Variants in NRXN1 observed in about 807,000 individuals in gnomAD.
The protein encoded by NRXN1 is neurexin 1, also known as neurexin-1.
In NRXN1, 39 loss-of-function variants were observed where a neutral mutation model predicts 150.9. That is an observed-to-expected ratio of 0.26 (90% CI 0.20 to 0.34). The LOEUF is 0.34. NRXN1 is among the 10% of genes least tolerant of loss of function. The pLI is 1.00. For synonymous variants in NRXN1, 924 were observed against 757.0 expected, an observed-to-expected ratio of 1.22 and a Z score of -3.62; for missense variants, 1,815 against 1,949.9, an observed-to-expected ratio of 0.93 and a Z score of 1.30.
chr2:50,925,448 T>G (rs1392272420), intron 3 of NRXN1, among the ~76,000 whole-genome samples: 1 of 151,862 alleles, frequency 6.6e-6, no homozygotes, highest in African/African-American at 2.4e-5. Context: ...TAATCTAAAT[T>G]TATGTCTCTT....
intron 5 of NRXN1, among the ~76,000 whole-genome samples, chr2:50,733,229 C>A (rs1424529782): frequency 6.6e-6 from 1 of 152,054 alleles, no homozygotes; most frequent in East Asian, 1.9e-4. Context: ...GGCTGCCAGG[C>A]AATGGATCAG....
chr2:50,320,411 T>C (rs2075955238), intron 17 of NRXN1, among the ~76,000 whole-genome samples: 1 of 147,772 alleles, frequency 6.8e-6, no homozygotes, highest in South Asian at 2.1e-4. Context: ...AGTATCTTAC[T>C]ATAAAAATGT....
At chr2:50,274,783 TA>T (rs144311072) in intron 17 of NRXN1, among the ~76,000 whole-genome samples, 14 of 151,004 alleles carry the variant, frequency 9.3e-5, no homozygotes, top group Admixed American at 4.0e-4. Context: ...TTCAACTACT[TA>T]AAAAAAAACC....
chr2:49,999,546 G>A (rs998176516), intron 21 of NRXN1, among the ~76,000 whole-genome samples: 21 of 152,054 alleles, frequency 1.4e-4, no homozygotes, highest in Non-Finnish European at 2.5e-4. Context: ...GGTTCTTTCC[G>A]TATAATTTCA....
intron 16 of NRXN1, among the ~76,000 whole-genome samples, chr2:50,466,781 T>A (rs1347307876): frequency 1.3e-5 from 2 of 151,816 alleles, no homozygotes; most frequent in African/African-American, 4.8e-5. Context: ...GTATGTTTCC[T>A]CTCTTGGATA....
rs542129227 is a variant in NRXN1, at chr2:50,577,365, T to TA, written c.1321-24341dup. ...GTTAGCTGCATATACACTAGTTGTC[T>TA]AAAAAAAAAAAACAAAGATTACTGG... is the stretch of plus-strand genomic sequence containing the variant. On this transcript the variant is annotated intron_variant, in intron 8 of 22. Transcript: ENST00000401669. Among the ~76,000 whole-genome samples, 923 of 143,978 alleles carry TA rather than the reference T, an allele frequency of 6.4e-3. 4 individuals carry two copies. The highest frequency in any genetic ancestry group is 0.011 in the Middle Eastern group (3 of 282). The allele number at this position is 143,978 out of a possible 152,430, so 94.5% of individuals were successfully genotyped here.
chr2:50,629,541 T>C (rs72885635), intron 5 of NRXN1, among the ~76,000 whole-genome samples: 2,423 of 151,742 alleles, frequency 0.016, 81 homozygotes, highest in African/African-American at 0.056. Context: ...GGGTTGCCTA[T>C]GGGTGTGCTA....
chr2:50,304,885 T>A (rs1318667429), intron 17 of NRXN1, among the ~76,000 whole-genome samples: 2 of 151,822 alleles, frequency 1.3e-5, no homozygotes, highest in Non-Finnish European at 2.9e-5. Context: ...AGGTCAGGAG[T>A]TCGAGACCAG....
At chr2:50,334,568 T>C (rs2077060664) in intron 17 of NRXN1, among the ~76,000 whole-genome samples, 1 of 152,146 alleles carries the variant, frequency 6.6e-6, no homozygotes, top group East Asian at 1.9e-4. Context: ...CTAAGTCATG[T>C]TCTTTGGAGG....
intron 2 of NRXN1, among the ~76,000 whole-genome samples, chr2:50,962,719 T>C (rs901205685): frequency 2.6e-5 from 4 of 151,700 alleles, no homozygotes; most frequent in Admixed American, 2.0e-4. Context: ...TTTTCATGAA[T>C]GTTGATTATA....
At position 50,628,635 on chromosome 2, in the gene NRXN1, T is replaced by C. The variant is rs530925477; in HGVS notation, c.833-5020A>G. Among the ~76,000 whole-genome samples, 5 of 151,896 alleles carry C rather than the reference T, an allele frequency of 3.3e-5. No individual in the cohort carries two copies. The South Asian group carries it at 8.3e-4, about 25-fold the overall frequency. ...CTAAGCAGCAGAGTGTTTACATATG[T>C]GTTTCTGCTGAACACTTAAAGAATA... is the stretch of plus-strand genomic sequence containing the variant. On this transcript the variant is annotated intron_variant, in intron 5 of 22. Transcript: ENST00000401669.
chr2:50,272,727 C>CA (rs1240803848), intron 17 of NRXN1, among the ~76,000 whole-genome samples: 15 of 151,922 alleles, frequency 9.9e-5, no homozygotes, highest in Non-Finnish European at 2.9e-5. Context: ...ATAATCTCCC[C>CA]AAAAGGGAAC....
intron 17 of NRXN1, among the ~76,000 whole-genome samples, chr2:50,428,772 G>T (rs777413640): frequency 6.6e-6 from 1 of 152,108 alleles, no homozygotes; most frequent in Non-Finnish European, 1.5e-5. Flanking sequence ...ATGCTAAGAG[G>T]TTTACATTAA....
chr2:50,675,002 T>A (rs1425107634), intron 5 of NRXN1, among the ~76,000 whole-genome samples: 1 of 151,716 alleles, frequency 6.6e-6, no homozygotes, highest in African/African-American at 2.4e-5. Flanking sequence ...AGAAATGGCT[T>A]GGTGTTGTTC....
intron 18 of NRXN1, among the ~76,000 whole-genome samples, chr2:50,207,991 G>T (rs1171146109): frequency 6.6e-6 from 1 of 152,070 alleles, no homozygotes. Flanking sequence ...CTTGGGTGAA[G>T]AAGAGGAGAA....
intron 11 of NRXN1, among the ~76,000 whole-genome samples, chr2:50,530,231 A>G (rs2093063255): frequency 6.6e-6 from 1 of 152,190 alleles, no homozygotes; most frequent in Non-Finnish European, 1.5e-5. Flanking sequence ...ATGAGCAAAG[A>G]TCTCTTAAGA....
intron 18 of NRXN1, among the ~76,000 whole-genome samples, chr2:50,140,981 T>C (rs1707191804): frequency 6.6e-6 from 1 of 152,080 alleles, no homozygotes; most frequent in Non-Finnish European, 1.5e-5. Context: ...TTTCTGTGTT[T>C]ACATATATAA....
chr2:50,122,576 C>T (rs946366516), intron 18 of NRXN1, among the ~76,000 whole-genome samples: 2 of 152,318 alleles, frequency 1.3e-5, no homozygotes, highest in Admixed American at 1.3e-4. Flanking sequence ...TCTGACATCA[C>T]CTCCTCACAT....
intron 5 of NRXN1, among the ~76,000 whole-genome samples, chr2:50,778,408 A>G (rs963881402): frequency 2.0e-5 from 3 of 152,208 alleles, no homozygotes; most frequent in Non-Finnish European, 2.9e-5. Context: ...GCTCCCCCAG[A>G]CTACGAAAAA....
Sources: gnomAD v4.1 joint callset for allele counts (sites outside exome capture counted in the v4.1 genomes callset) on GRCh38, gnomAD v4.1.1 for gene constraint, MANE v1.5 for transcripts, NCBI Gene and HGNC (gene_info 2026-07-23, HGNC 2026-07-21) for gene names.